SNTG1: variants seen among roughly 807,000 people sequenced by gnomAD.
SNTG1 encodes gamma-1-syntrophin.
In SNTG1, 39 loss-of-function variants were observed where a neutral mutation model predicts 74.7. The observed-to-expected ratio is 0.52, with a 90% CI of 0.40 to 0.68. The LOEUF (loss-of-function observed/expected upper bound fraction) is 0.68. SNTG1 is among the 30% of genes least tolerant of loss of function. The pLI is 0.00. For synonymous variants in SNTG1, 254 were observed against 217.1 expected, an observed-to-expected ratio of 1.17 and a Z score of -1.49; for missense variants, 685 against 609.5, an observed-to-expected ratio of 1.12 and a Z score of -1.30.
chr8:50,362,757 T>C (rs2091995404), intron 2 of SNTG1, among the ~76,000 whole-genome samples: 1 of 152,200 alleles, frequency 6.6e-6, no homozygotes, highest in Non-Finnish European at 1.5e-5. Context: ...TCAGGTGCTA[T>C]GCTTTGTTAT....
intron 11 of SNTG1, among the ~76,000 whole-genome samples, chr8:50,550,876 TAAAAAC>T (rs2094421597): frequency 6.6e-6 from 1 of 152,104 alleles, no homozygotes. Context: ...AAGCTACAAA[TAAAAAC>T]AAAAGCACTT....
intron 13 of SNTG1, among the ~76,000 whole-genome samples, chr8:50,643,062 A>G (rs76446753): frequency 0.22 from 33,944 of 151,950 alleles, 4,361 homozygotes; most frequent in African/African-American, 0.34. Context: ...TGGCAAAAAA[A>G]CAAACAACCT....
rs756979628 is a variant in SNTG1 at position 50,792,864 on chromosome 8, G to T, written c.*35G>T. 1 of 1,566,160 alleles carries T rather than the reference G, an allele frequency of 6.4e-7. No homozygotes were observed. The highest frequency in any genetic ancestry group is 8.7e-7 in the Non-Finnish European group (1 of 1,154,674). On this transcript the variant is annotated 3_prime_UTR_variant, in exon 19 of 19. Transcript: ENST00000642720. ...CTCTTCATTGACACACCCCATGACT[G>T]TATAAGCAGGACACATTTACTCATC...
intron 1 of SNTG1, among the ~76,000 whole-genome samples, chr8:50,021,432 A>T (rs1018261587): frequency 2.0e-5 from 3 of 152,144 alleles, no homozygotes. Context: ...TCAATGGCTC[A>T]TTTCCTCAAA....
chr8:50,047,063 G>A (rs1334961619), intron 1 of SNTG1, among the ~76,000 whole-genome samples: 1 of 152,092 alleles, frequency 6.6e-6, no homozygotes, highest in Non-Finnish European at 1.5e-5. Context: ...AATATACGGT[G>A]AAGGTCTAAA....
At chr8:50,397,118 A>T (rs892405395) in intron 3 of SNTG1, among the ~76,000 whole-genome samples, 1 of 152,224 alleles carries the variant, frequency 6.6e-6, no homozygotes, top group African/African-American at 2.4e-5. Context: ...TATTTTACTT[A>T]TATCATTTTT....
chr8:50,480,688 T>A (rs2093733082), intron 8 of SNTG1, among the ~76,000 whole-genome samples: 1 of 152,242 alleles, frequency 6.6e-6, no homozygotes, highest in Admixed American at 6.5e-5. Flanking sequence ...GAAGGTTTGG[T>A]CAAATAGGGT....
At chr8:49,962,068 T>C (rs1377183152) in intron 1 of SNTG1, among the ~76,000 whole-genome samples, 1 of 152,098 alleles carries the variant, frequency 6.6e-6, no homozygotes, top group African/African-American at 2.4e-5. Context: ...GATTAGTAGG[T>C]TGCCCTTGAG....
At chr8:50,589,645 A>C (rs2094679240) in intron 12 of SNTG1, among the ~76,000 whole-genome samples, 1 of 151,934 alleles carries the variant, frequency 6.6e-6, no homozygotes, top group African/African-American at 2.4e-5. Flanking sequence ...TATTGAAGAC[A>C]AGGGCCCACA....
At chr8:50,447,808 T>C (rs993321521) in intron 5 of SNTG1, among the ~76,000 whole-genome samples, 3 of 152,076 alleles carry the variant, frequency 2.0e-5, no homozygotes, top group Non-Finnish European at 4.4e-5. Flanking sequence ...TGGGACAAAA[T>C]AGAACAGATA....
chr8:50,549,685 A>G lies in SNTG1; in HGVS notation c.681-3365A>G, dbSNP rs1484777558. On this transcript the variant is annotated intron_variant, in intron 11 of 18. Transcript: ENST00000642720. ...CAACTTCATGGATTGCCTCTTCTTCAGATCCACACACAATGTGCCAGACAA... is the reference window on the plus strand; with the variant it reads ...CAACTTCATGGATTGCCTCTTCTTCGGATCCACACACAATGTGCCAGACAA... Among the ~76,000 whole-genome samples the G allele has an allele frequency of 2.0e-5, 3 of 152,100 alleles. No homozygotes were observed. In the East Asian group the frequency reaches 5.8e-4, roughly 29 times the overall value.
chr8:50,250,231 C>A (rs2086587723), intron 2 of SNTG1, among the ~76,000 whole-genome samples: 2 of 150,222 alleles, frequency 1.3e-5, no homozygotes, highest in Admixed American at 6.6e-5. Context: ...AATCTCTGAG[C>A]TTAAAAGTAG....
chr8:50,087,251 T>G (rs1454463667), intron 1 of SNTG1, among the ~76,000 whole-genome samples: 1 of 152,172 alleles, frequency 6.6e-6, no homozygotes, highest in Non-Finnish European at 1.5e-5. Flanking sequence ...GTCTCTCAGT[T>G]GTAATGTCGT....
chr8:50,043,120 T>C (rs1381768949), intron 1 of SNTG1, among the ~76,000 whole-genome samples: 1 of 152,232 alleles, frequency 6.6e-6, no homozygotes, highest in African/African-American at 2.4e-5. Context: ...AACACAATTT[T>C]ATGCACTTTC....
At chr8:50,538,156 A>G (rs900555953) in intron 11 of SNTG1, among the ~76,000 whole-genome samples, 2 of 152,144 alleles carry the variant, frequency 1.3e-5, no homozygotes, top group African/African-American at 4.8e-5. Flanking sequence ...ACCACTTTGA[A>G]TGAAGAATAG....
intron 1 of SNTG1, among the ~76,000 whole-genome samples, chr8:50,129,861 C>A (rs1286566062): frequency 6.6e-6 from 1 of 152,080 alleles, no homozygotes; most frequent in African/African-American, 2.4e-5. Context: ...TAGTCTCCAA[C>A]CCCTGATCTC....
chr8:50,302,120 T>A (rs563052371), intron 2 of SNTG1, among the ~76,000 whole-genome samples: 21 of 152,320 alleles, frequency 1.4e-4, no homozygotes, highest in Non-Finnish European at 2.5e-4. Context: ...TTCCAGGGAT[T>A]ACCTGCTTAA....
rs144978915 is a variant in SNTG1, at chr8:50,596,647, T to A, written c.849+5730T>A. ...ATGCTGTTGCCTTGGTCTATTTGTA[T>A]CTCATGACACAAATACAAAACCGTC... On this transcript the variant is annotated intron_variant, in intron 13 of 18. Coordinates refer to ENST00000642720, the MANE Select transcript of SNTG1 (RefSeq NM_018967.5). Among the ~76,000 whole-genome samples the A allele has an allele frequency of 1.4e-3, 211 of 152,192 alleles. 2 individuals carry two copies. The highest frequency in any genetic ancestry group is 6.8e-3 in the Middle Eastern group (2 of 294).
intron 8 of SNTG1, among the ~76,000 whole-genome samples, chr8:50,452,235 G>A (rs1350565965): frequency 6.6e-6 from 1 of 152,122 alleles, no homozygotes; most frequent in Non-Finnish European, 1.5e-5. Flanking sequence ...CTGTGCTCAA[G>A]TTCATGTAAA....
Sources: gnomAD v4.1 joint callset for allele counts (sites outside exome capture counted in the v4.1 genomes callset) on GRCh38, gnomAD v4.1.1 for gene constraint, MANE v1.5 for transcripts, NCBI Gene and HGNC (gene_info 2026-07-23, HGNC 2026-07-21) for gene names.